ARFGEF2: variants seen among roughly 807,000 people sequenced by gnomAD.
ARFGEF2 encodes the protein brefeldin A-inhibited guanine nucleotide-exchange protein 2.
ARFGEF2 carries 74 observed loss-of-function variants against 219.9 expected under a neutral mutation model. That is an observed-to-expected ratio of 0.34 (90% CI 0.28 to 0.41). ARFGEF2 has a LOEUF of 0.41. Ranked by LOEUF, ARFGEF2 falls within the 10% of genes least tolerant of loss-of-function variation. ARFGEF2 has a pLI of 1.00. For missense variants in ARFGEF2, 1,743 were observed against 2,218.3 expected (o/e 0.79, Z 4.30); for synonymous variants, 733 against 799.2 (o/e 0.92, Z 1.40).
intron 1 of ARFGEF2, among the ~76,000 whole-genome samples, chr20:48,928,389 G>A (rs1187321594): frequency 1.4e-5 from 2 of 146,512 alleles, no homozygotes; most frequent in African/African-American, 5.1e-5. Context: ...TAGTAGAGAC[G>A]GGGTTTCACC....
intron 21 of ARFGEF2, 141 bp from the exon 22 acceptor site, chr20:48,994,310 A>G: frequency 1.0e-6 from 1 of 983,262 alleles, no homozygotes; most frequent in Non-Finnish European, 1.6e-6. Flanking sequence ...CTCTTTATTG[A>G]GAGCTTACTA....
chr20:49,005,666 A>G (rs2091453600), intron 26 of ARFGEF2, among the ~76,000 whole-genome samples: 1 of 142,336 alleles, frequency 7.0e-6, no homozygotes, highest in Admixed American at 7.7e-5. Context: ...TGAACTCAGG[A>G]GGCAGAGCTT....
In ARFGEF2 at chr20:49,005,083, C is replaced by G. The variant is rs772329530; in HGVS notation, c.3446C>G (p.Pro1149Arg). 1.9e-6 allele frequency: 3 copies of G among 1,614,026 alleles called. 1 individual carries two copies. Among genetic ancestry groups the G allele is most frequent in the Non-Finnish European group, 2.5e-6 (3 of 1,180,030 alleles). ...GDHFNKVGCN[P>R]NEDVAIFAVD... ...GTTCTTGTTCAGGTTGGCTGCAACC[C>G]TAATGAAGATGTGGCTATCTTTGCT... Residue 1149 changes from proline (P) to arginine (R), a missense_variant, in exon 26 of 39, where the codon CCT becomes CGT. By Grantham distance (103) the Pro-to-Arg change is moderately radical (BLOSUM62 -2). Transcript: ENST00000371917.
At chr20:48,952,059 A>T (rs2091074195) in intron 4 of ARFGEF2, among the ~76,000 whole-genome samples, 1 of 151,352 alleles carries the variant, frequency 6.6e-6, no homozygotes, top group South Asian at 2.1e-4. Flanking sequence ...TCTGGGTGAG[A>T]TCACGTTGGA....
intron 10 of ARFGEF2, 103 bp downstream of exon 10, chr20:48,971,457 A>C: frequency 1.0e-6 from 1 of 991,880 alleles, no homozygotes. Context: ...ACTAAGCATT[A>C]GGAAAATGGT....
Position 49,025,162 on chromosome 20 carries a change from A to G in ARFGEF2, c.4756-151A>G. On this transcript the variant is annotated intron_variant, in intron 35 of 38. Coordinates refer to ENST00000371917, the MANE Select transcript of ARFGEF2 (RefSeq NM_006420.3). ...CTTCACCAGCCAGTGAGCAGAGTCTAAATGGAAATGTTTCAGGGTGTTGGG... is the reference window on the plus strand; with the variant it reads ...CTTCACCAGCCAGTGAGCAGAGTCTGAATGGAAATGTTTCAGGGTGTTGGG... The G allele has an allele frequency of 5.9e-6, 5 of 846,682 alleles. No individual in the cohort carries two copies. In the East Asian group the frequency reaches 1.4e-4, roughly 23 times the overall value. The allele number at this position is 846,682 out of a possible 1,614,324, so 52.4% of individuals were successfully genotyped here.
intron 27 of ARFGEF2, among the ~76,000 whole-genome samples, chr20:49,011,084 G>A (rs1157516573): frequency 3.9e-5 from 6 of 152,218 alleles, no homozygotes; most frequent in Non-Finnish European, 1.5e-5. Context: ...GAAAGGCTGT[G>A]ATGTGTCTTA....
At chr20:48,994,689 C>T (rs886631225) in intron 22 of ARFGEF2, 91 bp downstream of exon 22, 23 of 1,550,282 alleles carry the variant, frequency 1.5e-5, no homozygotes, top group Middle Eastern at 2.1e-4. Flanking sequence ...GTCCTGTAAA[C>T]CGTCTCTTCC....
At chr20:49,001,038 G>A (rs145976902) in intron 25 of ARFGEF2, among the ~76,000 whole-genome samples, 1 of 147,290 alleles carries the variant, frequency 6.8e-6, no homozygotes, top group African/African-American at 2.5e-5. Context: ...ACCAGGTCAT[G>A]GAAAACTCAG....
chr20:48,939,134 C>T (rs1185470878), intron 1 of ARFGEF2, among the ~76,000 whole-genome samples: 1 of 151,664 alleles, frequency 6.6e-6, no homozygotes, highest in Non-Finnish European at 1.5e-5. Flanking sequence ...GGTACCACGC[C>T]CTGCTAATTT....
intron 1 of ARFGEF2, among the ~76,000 whole-genome samples, chr20:48,940,903 A>G (rs1412463751): frequency 6.6e-6 from 1 of 152,228 alleles, no homozygotes; most frequent in Non-Finnish European, 1.5e-5. Flanking sequence ...AGTGGTGCCA[A>G]GGCTGAGAAA....
At chr20:48,965,841 T>C (rs771366572) in intron 7 of ARFGEF2, 31 bp from the exon 8 acceptor site, 4 of 1,613,586 alleles carry the variant, frequency 2.5e-6, no homozygotes. Flanking sequence ...ACAGTACTAA[T>C]TTGGCTATGA....
chr20:48,994,595 C>T lies in ARFGEF2; in HGVS notation c.3118C>T (p.Leu1040Phe). ...AGGAGAAGAGTTCATGGGCCTTGGC[C>T]TCGGTAAGACACCAGGCCCCACAGC... ...LAGEEFMGLGLGNLVSGGVDK... is the reference protein window; with the variant it reads ...LAGEEFMGLGFGNLVSGGVDK... The change falls in exon 22 of 39, where the codon CTC becomes TTC. Residue 1040 changes from leucine to phenylalanine, a missense_variant. Physicochemically the swap from Leu to Phe is conservative, Grantham distance 22. This residue lies in a region of ARFGEF2 where 666 missense variants were observed against 955.4 expected (regional missense o/e 0.70). Transcript: ENST00000371917. The T allele has an allele frequency of 6.2e-7, 1 of 1,613,674 alleles. No individual in the cohort carries two copies. The highest frequency in any genetic ancestry group is 8.5e-7 in the Non-Finnish European group (1 of 1,180,012).
At chr20:48,940,751 C>T (rs1386888974) in intron 1 of ARFGEF2, among the ~76,000 whole-genome samples, 1 of 152,170 alleles carries the variant, frequency 6.6e-6, no homozygotes, top group East Asian at 1.9e-4. Flanking sequence ...TTGGCAATGT[C>T]TACAGACGTT....
At chr20:48,966,163 T>A (rs913122060) in intron 8 of ARFGEF2, 140 bp downstream of exon 8, 1 of 1,046,482 alleles carries the variant, frequency 9.6e-7, no homozygotes, top group Non-Finnish European at 1.4e-6. Flanking sequence ...TGGGCTGATA[T>A]TCTTTGTATT....
intron 9 of ARFGEF2, among the ~76,000 whole-genome samples, chr20:48,970,870 CTT>C (rs1339619030): frequency 6.6e-6 from 1 of 152,124 alleles, no homozygotes; most frequent in Non-Finnish European, 1.5e-5. Flanking sequence ...TCAGTTGACA[CTT>C]TGCTCCTGCT....
chr20:48,937,315 T>G (rs1264534533), intron 1 of ARFGEF2, among the ~76,000 whole-genome samples: 2 of 152,242 alleles, frequency 1.3e-5, no homozygotes, highest in Non-Finnish European at 2.9e-5. Context: ...AGCCCCTCCA[T>G]GGGCTTCCTC....
In ARFGEF2 at chr20:49,017,239, T is replaced by G. The variant is rs1454076875; in HGVS notation, c.4316-10T>G. 34 of 1,613,678 alleles carry G rather than the reference T, an allele frequency of 2.1e-5. No homozygotes were observed. Among genetic ancestry groups the G allele is most frequent in the Non-Finnish European group, 2.8e-5 (33 of 1,179,924 alleles). Reference sequence around the variant, plus strand: ...AGAAGTTTAATGATAGATACTGCTTTATTTTACAGATAATGAACAGTTGGC... The same window carrying G: ...AGAAGTTTAATGATAGATACTGCTTGATTTTACAGATAATGAACAGTTGGC... On this transcript the variant is annotated splice_polypyrimidine_tract_variant and intron_variant, in intron 31 of 38. Coordinates refer to ENST00000371917, the MANE Select transcript of ARFGEF2 (RefSeq NM_006420.3).
rs752544916 is a variant in ARFGEF2, at chr20:48,988,321, G to C, written c.2294G>C (p.Ser765Thr). The C allele has an allele frequency of 6.2e-7, 1 of 1,613,518 alleles. No homozygotes were observed. Among genetic ancestry groups the C allele is most frequent in the Non-Finnish European group, 8.5e-7 (1 of 1,179,980 alleles). ...ECNQGQTLFA[S>T]ADTAYVLAYS... is the part of the protein sequence containing the mutation. Reference sequence around the variant, plus strand: ...TTCTCCAGGCAAACTCTGTTTGCTAGTGCTGACACTGCTTATGTCCTAGCG... The same window carrying C: ...TTCTCCAGGCAAACTCTGTTTGCTACTGCTGACACTGCTTATGTCCTAGCG... The change falls in exon 17 of 39, where the codon AGT becomes ACT. Residue 765 changes from serine (S) to threonine (T), a missense_variant. By Grantham distance (58) the Ser-to-Thr change is moderately conservative (BLOSUM62 1). This residue lies in a region of ARFGEF2 where 666 missense variants were observed against 955.4 expected (regional missense o/e 0.70). Transcript: ENST00000371917.
Sources: gnomAD v4.1 joint callset for allele counts (sites outside exome capture counted in the v4.1 genomes callset) on GRCh38, gnomAD v4.1.1 for gene constraint, gnomAD v4.1.1 regional missense constraint, MANE v1.5 for transcripts, NCBI Gene and HGNC (gene_info 2026-07-23, HGNC 2026-07-21) for gene names.